TYW1: variants seen among roughly 807,000 people sequenced by gnomAD.
TYW1 encodes the protein S-adenosyl-L-methionine-dependent tRNA 4-demethylwyosine synthase TYW1.
A neutral mutation model predicts 96.2 loss-of-function variants in TYW1; 46 were observed. The observed-to-expected ratio is 0.48, with a 90% confidence interval of 0.38 to 0.61. TYW1 has a LOEUF of 0.61. Among genes scored for constraint, TYW1 ranks in the 20% least tolerant of loss-of-function variants. The probability of loss-of-function intolerance (pLI) is 0.00; values close to 1 mark genes in which losing one functional copy is unlikely to be tolerated. For synonymous variants in TYW1, 274 were observed against 323.0 expected (o/e 0.85, Z 1.63); for missense variants, 684 against 909.6 (o/e 0.75, Z 3.19).
intron 7 of TYW1, among the ~76,000 whole-genome samples, chr7:67,030,748 G>A (rs1794644206): frequency 6.6e-6 from 1 of 151,974 alleles, no homozygotes; most frequent in African/African-American, 2.4e-5. Context: ...GATGAGCCCT[G>A]GGACATCTTA....
At chr7:67,010,158 G>A (rs868483809) in intron 4 of TYW1, among the ~76,000 whole-genome samples, 2 of 151,382 alleles carry the variant, frequency 1.3e-5, no homozygotes, top group Admixed American at 1.3e-4. Context: ...AATTTTTTTT[G>A]TGTGTGTCTG....
At chr7:67,026,409 C>T (rs1344756030) in intron 7 of TYW1, among the ~76,000 whole-genome samples, 9 of 152,176 alleles carry the variant, frequency 5.9e-5, no homozygotes, top group Non-Finnish European at 1.3e-4. Context: ...TGTCTTAAAC[C>T]TACGTTGGAA....
intron 10 of TYW1, among the ~76,000 whole-genome samples, chr7:67,069,661 C>T (rs867812452): frequency 3.9e-5 from 6 of 152,086 alleles, no homozygotes; most frequent in Admixed American, 6.5e-5. Context: ...TGATCATAAG[C>T]CTGGGAGGTG....
chr7:67,162,061 C>G (rs1799178234), intron 13 of TYW1, among the ~76,000 whole-genome samples: 1 of 152,014 alleles, frequency 6.6e-6, no homozygotes, highest in Non-Finnish European at 1.5e-5. Context: ...CTTTGGGAGG[C>G]CAAGTTGGGC....
intron 15 of TYW1, among the ~76,000 whole-genome samples, chr7:67,211,166 GT>G (rs1801006676): frequency 7.1e-6 from 1 of 140,692 alleles, no homozygotes; most frequent in Non-Finnish European, 1.5e-5. Context: ...GTGTGTGTGT[GT>G]GTGTGTGTGT....
rs187164096 is a variant in TYW1 at position 67,086,084 on chromosome 7, C to T, written c.1384+2545C>T. ...GTAGATAGGCTGACTTTTTTTTGTA[C>T]ATTTACAAAGAAGCTAATGATTATT... On this transcript the variant is annotated intron_variant, in intron 11 of 15. Coordinates refer to ENST00000359626, the MANE Select transcript of TYW1 (RefSeq NM_018264.4). Among the ~76,000 whole-genome samples the T allele has an allele frequency of 1.2e-3, 176 of 151,858 alleles. 1 individual carries two copies. The highest frequency in any genetic ancestry group is 4.2e-3 in the African/African-American group (173 of 41,448).
chr7:67,137,064 T>C (rs55743603), intron 13 of TYW1, among the ~76,000 whole-genome samples: 31,076 of 135,996 alleles, frequency 0.23, 4,403 homozygotes, highest in African/African-American at 0.37. Context: ...CCACCCACCC[T>C]GGCCTCCCAA....
chr7:67,055,888 G>A lies in TYW1; in HGVS notation c.1155+1G>A. ...GGTGAAGCTTTGCAGGTGGACAAAGGTATTTTTTTTGTTTTTATTCAATAT... is the reference window on the plus strand; with the variant it reads ...GGTGAAGCTTTGCAGGTGGACAAAGATATTTTTTTTGTTTTTATTCAATAT... On this transcript the variant is annotated splice_donor_variant, in intron 9 of 15. Transcript: ENST00000359626. LOFTEE classifies it high-confidence loss of function. The A allele has an allele frequency of 1.2e-6, 2 of 1,612,058 alleles. No homozygotes were observed. Among genetic ancestry groups the A allele is most frequent in the Non-Finnish European group, 1.7e-6 (2 of 1,179,016 alleles).
chr7:67,001,157 C>A (rs1257712960), intron 3 of TYW1, among the ~76,000 whole-genome samples: 3 of 152,182 alleles, frequency 2.0e-5, no homozygotes, highest in African/African-American at 4.8e-5. Flanking sequence ...ACAGAAAGTT[C>A]ATAATGAAAT....
intron 3 of TYW1, among the ~76,000 whole-genome samples, chr7:67,001,450 C>G (rs1332354965): frequency 6.6e-6 from 1 of 151,024 alleles, no homozygotes; most frequent in South Asian, 2.1e-4. Flanking sequence ...TGAGATGGAG[C>G]CTCGCTGTGT....
intron 13 of TYW1, among the ~76,000 whole-genome samples, chr7:67,181,272 A>G (rs1219919237): frequency 1.3e-5 from 2 of 152,060 alleles, no homozygotes; most frequent in African/African-American, 4.8e-5. Flanking sequence ...TTTCTATAAG[A>G]TTTTTACATA....
chr7:67,164,829 A>G (rs565323271), intron 13 of TYW1, among the ~76,000 whole-genome samples: 80 of 152,088 alleles, frequency 5.3e-4, no homozygotes, highest in African/African-American at 1.8e-3. Flanking sequence ...GATATCATAA[A>G]TCATCTAGCC....
chr7:67,076,480 A>T (rs1416396541), intron 10 of TYW1, among the ~76,000 whole-genome samples: 3 of 141,296 alleles, frequency 2.1e-5, no homozygotes, highest in Non-Finnish European at 4.7e-5. Context: ...TGGTATGTGA[A>T]TTTTTTTTTT....
chr7:67,227,610 G>A (rs1210622324), intron 15 of TYW1, among the ~76,000 whole-genome samples: 1 of 151,764 alleles, frequency 6.6e-6, no homozygotes. Flanking sequence ...TGGGGCTTTG[G>A]GCCATGCAGT....
At chr7:67,195,104 A>C in intron 14 of TYW1, 66 bp from the exon 15 acceptor site, 7 of 1,556,532 alleles carry the variant, frequency 4.5e-6, no homozygotes, top group Non-Finnish European at 5.2e-6. Flanking sequence ...TCCGGCTCTG[A>C]AAGTCTTCTT....
intron 15 of TYW1, among the ~76,000 whole-genome samples, chr7:67,221,023 G>A (rs537432743): frequency 1.1e-4 from 16 of 152,190 alleles, no homozygotes; most frequent in South Asian, 2.1e-4. Context: ...CACCGCGCCC[G>A]TCCAAGTGCT....
chr7:67,206,047 G>A (rs1800788453), intron 15 of TYW1, among the ~76,000 whole-genome samples: 1 of 152,184 alleles, frequency 6.6e-6, no homozygotes, highest in African/African-American at 2.4e-5. Context: ...ACTCCATCTT[G>A]TCCAGAACCA....
chr7:67,109,040 G>A (rs1359600191), intron 12 of TYW1, among the ~76,000 whole-genome samples: 3 of 151,940 alleles, frequency 2.0e-5, no homozygotes, highest in East Asian at 2.0e-4. Flanking sequence ...TTGGGAGGCC[G>A]AGGCGGGCGG....
chr7:67,185,136 G>C (rs528186742), intron 14 of TYW1, among the ~76,000 whole-genome samples: 1 of 152,126 alleles, frequency 6.6e-6, no homozygotes, highest in East Asian at 1.9e-4. Flanking sequence ...GGTTGGCAGC[G>C]GCACAGGATA....
Sources: gnomAD v4.1 joint callset for allele counts (sites outside exome capture counted in the v4.1 genomes callset) on GRCh38, gnomAD v4.1.1 for gene constraint, MANE v1.5 for transcripts, NCBI Gene and HGNC (gene_info 2026-07-23, HGNC 2026-07-21) for gene names.